The following ATP2B1 variants were observed in gnomAD, a reference collection of about 807,000 sequenced individuals.
The protein encoded by ATP2B1 is plasma membrane calcium-transporting ATPase 1.
ATP2B1 carries 14 observed loss-of-function variants against 124.2 expected under a neutral mutation model. That is an observed-to-expected ratio of 0.11 (90% CI 0.07 to 0.18). The LOEUF is 0.18. Among genes scored for constraint, ATP2B1 ranks in the 10% least tolerant of loss-of-function variants. ATP2B1 has a pLI of 1.00. For missense variants in ATP2B1, 763 were observed against 1,466.1 expected, an observed-to-expected ratio of 0.52 and a Z score of 7.83; for synonymous variants, 449 against 492.4, an observed-to-expected ratio of 0.91 and a Z score of 1.17.
intron 1 of ATP2B1, among the ~76,000 whole-genome samples, chr12:89,670,598 T>G (rs942048744): frequency 1.2e-4 from 19 of 152,212 alleles, no homozygotes; most frequent in African/African-American, 3.4e-4. Context: ...TACACTGAAA[T>G]TCTAGTATAA....
chr12:89,639,419 G>A (rs1174239579), intron 3 of ATP2B1, among the ~76,000 whole-genome samples: 3 of 151,898 alleles, frequency 2.0e-5, no homozygotes, highest in South Asian at 2.1e-4. Context: ...CAGCAGAATC[G>A]CTTGAACCTT....
intron 20 of ATP2B1, chr12:89,598,717 A>G: frequency 1.2e-6 from 2 of 1,613,890 alleles, no homozygotes; most frequent in Non-Finnish European, 1.7e-6. Context: ...TGGAACTTCC[A>G]CTCTGGAAAG....
At chr12:89,658,598 GGAGAGAGAGAGAGA>G (rs67298800) in intron 1 of ATP2B1, among the ~76,000 whole-genome samples, 50 of 69,580 alleles carry the variant, frequency 7.2e-4, no homozygotes, top group African/African-American at 1.6e-3. Flanking sequence ...AATTCAAACA[GGAGAGAGAGAGAGA>G]GAGAGAGAGA....
chr12:89,610,330 T>G (rs17017109), intron 14 of ATP2B1, 91 bp downstream of exon 14: 69,189 of 1,077,084 alleles, frequency 0.064, 2,575 homozygotes, highest in East Asian at 0.11. Flanking sequence ...TATCCATGAC[T>G]CAATCTAATA....
chr12:89,645,701 T>C (rs1395921848), intron 2 of ATP2B1, among the ~76,000 whole-genome samples: 1 of 152,114 alleles, frequency 6.6e-6, no homozygotes, highest in Non-Finnish European at 1.5e-5. Flanking sequence ...AAAGCCACTG[T>C]AGTAAAACCC....
intron 8 of ATP2B1, among the ~76,000 whole-genome samples, chr12:89,625,829 T>C (rs561165952): frequency 6.6e-6 from 1 of 152,260 alleles, no homozygotes; most frequent in South Asian, 2.1e-4. Flanking sequence ...TTTTCCATCA[T>C]ACTCCTAGAG....
At chr12:89,704,141 A>G (rs2136895857) in intron 1 of ATP2B1, among the ~76,000 whole-genome samples, 1 of 152,346 alleles carries the variant, frequency 6.6e-6, no homozygotes, top group Admixed American at 6.5e-5. Context: ...TAAACATGTT[A>G]TAGTATAAAA....
At chr12:89,598,794 A>G in intron 20 of ATP2B1, 2 of 1,596,992 alleles carry the variant, frequency 1.3e-6, no homozygotes, top group African/African-American at 1.3e-5. Flanking sequence ...GAGAGAGAGA[A>G]CAAGAGAAAG....
At chr12:89,672,977 CA>C (rs1888176430) in intron 1 of ATP2B1, among the ~76,000 whole-genome samples, 1 of 152,172 alleles carries the variant, frequency 6.6e-6, no homozygotes, top group South Asian at 2.1e-4. Context: ...GCTGAATTTA[CA>C]AAACTATAAT....
At chr12:89,595,228 A>G (rs1874353419) in intron 20 of ATP2B1, among the ~76,000 whole-genome samples, 1 of 152,190 alleles carries the variant, frequency 6.6e-6, no homozygotes, top group Admixed American at 6.6e-5. Context: ...CATTCCAGTA[A>G]CAACTTATTT....
In ATP2B1 at chr12:89,656,015, G is replaced by A. The variant is rs1885913098; in HGVS notation, c.-129C>T. 3.2e-6 allele frequency: 3 copies of A among 951,768 alleles called. No homozygotes were observed. 59.0% of individuals were successfully genotyped at this position (951,768 alleles called of 1,614,324 possible). A position where few individuals can be genotyped will look rare whatever the true frequency, so the allele number is the denominator to read the frequency against. ...AACCAAACACTCATTGTATGACTTTGTAAAGCAGCATCAGCAGCAACATTT... is the reference window on the plus strand; with the variant it reads ...AACCAAACACTCATTGTATGACTTTATAAAGCAGCATCAGCAGCAACATTT... On this transcript the variant is annotated 5_prime_UTR_variant, in exon 2 of 21. Coordinates refer to ENST00000428670, the MANE Select transcript of ATP2B1 (RefSeq NM_001366521.1).
Position 89,642,482 on chromosome 12 carries a change from T to C in ATP2B1, c.209-127A>G. On this transcript the variant is annotated intron_variant, in intron 2 of 20. Transcript: ENST00000428670. Reference sequence around the variant, plus strand: ...AAAATGTTTACTTTCATGCTTTAAGTGTACAGAATTTAAATCACTGAAAAA... The same window carrying C: ...AAAATGTTTACTTTCATGCTTTAAGCGTACAGAATTTAAATCACTGAAAAA... 5 of 913,996 alleles carry C rather than the reference T, an allele frequency of 5.5e-6. No homozygotes were observed. In the East Asian group the frequency reaches 1.2e-4, roughly 23 times the overall value. The allele number at this position is 913,996 out of a possible 1,614,324, so 56.6% of individuals were successfully genotyped here.
chr12:89,654,479 G>T (rs977199700), intron 2 of ATP2B1, among the ~76,000 whole-genome samples: 1 of 152,282 alleles, frequency 6.6e-6, no homozygotes, highest in South Asian at 2.1e-4. Flanking sequence ...GAGTTAACAG[G>T]TCTTGCAGGC....
At chr12:89,633,224 C>G (rs1882153370) in intron 5 of ATP2B1, among the ~76,000 whole-genome samples, 1 of 151,940 alleles carries the variant, frequency 6.6e-6, no homozygotes, top group African/African-American at 2.4e-5. Context: ...CTCTTTCTGG[C>G]TATTTGGTAT....
At chr12:89,635,890 T>C (rs974004728) in intron 3 of ATP2B1, among the ~76,000 whole-genome samples, 1 of 152,114 alleles carries the variant, frequency 6.6e-6, no homozygotes, top group Non-Finnish European at 1.5e-5. Flanking sequence ...GGGCTAGAAA[T>C]ACAGTAGTGA....
chr12:89,649,575 C>G (rs1884972264), intron 2 of ATP2B1, among the ~76,000 whole-genome samples: 1 of 152,138 alleles, frequency 6.6e-6, no homozygotes, highest in South Asian at 2.1e-4. Context: ...ATGGAAGGAA[C>G]TCATCTCCAG....
chr12:89,592,650 C>T (rs1192283148), intron 20 of ATP2B1, among the ~76,000 whole-genome samples: 2 of 152,010 alleles, frequency 1.3e-5, no homozygotes, highest in African/African-American at 4.8e-5. Flanking sequence ...CCAGCTCTGC[C>T]ACTTACTACC....
chr12:89,593,085 CTT>C (rs1873898731), intron 20 of ATP2B1, among the ~76,000 whole-genome samples: 1 of 152,098 alleles, frequency 6.6e-6, no homozygotes, highest in Admixed American at 6.6e-5. Context: ...TTTTATTGCT[CTT>C]GTTCCTCTTC....
At chr12:89,696,573 TC>T (rs1451650802) in intron 1 of ATP2B1, among the ~76,000 whole-genome samples, 1 of 152,238 alleles carries the variant, frequency 6.6e-6, no homozygotes, top group African/African-American at 2.4e-5. Flanking sequence ...GGTAAGTTTT[TC>T]AAAAGATAAA....
Sources: gnomAD v4.1 joint callset for allele counts (sites outside exome capture counted in the v4.1 genomes callset) on GRCh38, gnomAD v4.1.1 for gene constraint, MANE v1.5 for transcripts, NCBI Gene and HGNC (gene_info 2026-07-23, HGNC 2026-07-21) for gene names.